CCSER1: variants seen among roughly 807,000 people sequenced by gnomAD.
CCSER1 encodes serine-rich coiled-coil domain-containing protein 1.
In CCSER1, 41 loss-of-function variants were observed where a neutral mutation model predicts 82.0. The observed-to-expected ratio is 0.50, with a 90% CI of 0.39 to 0.65. The LOEUF is 0.65. Ranked by LOEUF, CCSER1 falls within the 30% of genes least tolerant of loss-of-function variation. The pLI, the probability that CCSER1 is intolerant of heterozygous loss-of-function variation, is 0.00. For synonymous variants in CCSER1, 414 were observed against 383.9 expected, an observed-to-expected ratio of 1.08 and a Z score of -0.92; for missense variants, 1,119 against 1,064.2, an observed-to-expected ratio of 1.05 and a Z score of -0.72.
intron 10 of CCSER1, among the ~76,000 whole-genome samples, chr4:91,310,184 G>T (rs1281004058): frequency 6.6e-6 from 1 of 151,858 alleles, no homozygotes; most frequent in East Asian, 1.9e-4. Flanking sequence ...CCCGTGTTCT[G>T]CATTCCATGA....
chr4:91,029,504 G>A (rs1740787824), intron 9 of CCSER1, among the ~76,000 whole-genome samples: 1 of 151,918 alleles, frequency 6.6e-6, no homozygotes, highest in Non-Finnish European at 1.5e-5. Context: ...TGTGTTCTAA[G>A]GGCCTTATAA....
intron 10 of CCSER1, among the ~76,000 whole-genome samples, chr4:91,135,221 G>A (rs58899564): frequency 0.19 from 28,425 of 152,056 alleles, 2,992 homozygotes; most frequent in Non-Finnish European, 0.23. Flanking sequence ...ATGAAGTACA[G>A]AATCTAAAAC....
intron 7 of CCSER1, among the ~76,000 whole-genome samples, chr4:90,803,913 G>T (rs1006899243): frequency 6.6e-6 from 1 of 152,124 alleles, no homozygotes; most frequent in African/African-American, 2.4e-5. Flanking sequence ...TCTAACTGGC[G>T]TGAGATGGTG....
chr4:91,032,281 T>G (rs1416137550), intron 9 of CCSER1, among the ~76,000 whole-genome samples: 3 of 152,158 alleles, frequency 2.0e-5, no homozygotes, highest in African/African-American at 7.2e-5. Flanking sequence ...AATCAGATAA[T>G]CCTAGAATAA....
At position 91,396,975 on chromosome 4, in the gene CCSER1, G is replaced by T. The variant is rs531180684; in HGVS notation, c.2218-201597G>T. Reference sequence around the variant, plus strand: ...ACACTTCAAACTCTAAAGCCCAAATGCAATTGCCCTCCACAATCACACTTC... The same window carrying T: ...ACACTTCAAACTCTAAAGCCCAAATTCAATTGCCCTCCACAATCACACTTC... On this transcript the variant is annotated intron_variant, in intron 10 of 10. Coordinates refer to ENST00000509176, the MANE Select transcript of CCSER1 (RefSeq NM_001145065.2). Among the ~76,000 whole-genome samples, 4 of 152,068 alleles carry T rather than the reference G, an allele frequency of 2.6e-5. No individual in the cohort carries two copies. The South Asian group carries it at 8.3e-4, about 32-fold the overall frequency.
chr4:91,460,413 C>T (rs1402685364), intron 10 of CCSER1, among the ~76,000 whole-genome samples: 3 of 152,040 alleles, frequency 2.0e-5, no homozygotes, highest in South Asian at 2.1e-4. Flanking sequence ...TCCCTTTGCC[C>T]TCGTTCTACT....
chr4:90,206,873 G>A (rs1334369645), intron 1 of CCSER1, among the ~76,000 whole-genome samples: 1 of 151,856 alleles, frequency 6.6e-6, no homozygotes, highest in East Asian at 1.9e-4. Context: ...CCTGTTTTGG[G>A]TGCATATATA....
chr4:91,067,557 T>C (rs1720964442), intron 9 of CCSER1, among the ~76,000 whole-genome samples: 1 of 151,860 alleles, frequency 6.6e-6, no homozygotes, highest in Non-Finnish European at 1.5e-5. Context: ...GTTGTCTAGG[T>C]TGGTCTCAAA....
intron 9 of CCSER1, among the ~76,000 whole-genome samples, chr4:90,972,666 C>T (rs1192127238): frequency 1.3e-5 from 2 of 151,594 alleles, no homozygotes; most frequent in Non-Finnish European, 2.9e-5. Context: ...AAAAAAAATT[C>T]TGAAATTCAT....
intron 9 of CCSER1, among the ~76,000 whole-genome samples, chr4:91,032,802 CCA>C (rs2150558903): frequency 6.6e-6 from 1 of 152,260 alleles, no homozygotes; most frequent in East Asian, 1.9e-4. Context: ...GGGCCCAACC[CCA>C]GAGTTTCTGA....
chr4:90,574,175 C>T (rs1780437417), intron 5 of CCSER1, among the ~76,000 whole-genome samples: 1 of 146,684 alleles, frequency 6.8e-6, no homozygotes, highest in Non-Finnish European at 1.5e-5. Flanking sequence ...ATGAACCTTG[C>T]AGTTATTTAG....
At chr4:90,587,224 C>T (rs1227494150) in intron 5 of CCSER1, among the ~76,000 whole-genome samples, 1 of 152,192 alleles carries the variant, frequency 6.6e-6, no homozygotes, top group Admixed American at 6.5e-5. Context: ...AGACCTCTGT[C>T]AGACTTCTGC....
At chr4:91,095,529 G>A (rs1040384654) in intron 10 of CCSER1, among the ~76,000 whole-genome samples, 8 of 152,056 alleles carry the variant, frequency 5.3e-5, no homozygotes, top group African/African-American at 1.4e-4. Flanking sequence ...TAACTGCGAG[G>A]TATTCATCTC....
At chr4:90,574,922 C>T (rs1001133025) in intron 5 of CCSER1, among the ~76,000 whole-genome samples, 1 of 151,858 alleles carries the variant, frequency 6.6e-6, no homozygotes, top group African/African-American at 2.4e-5. Flanking sequence ...CAGGGAGGAG[C>T]CGAAAGTATT....
intron 10 of CCSER1, among the ~76,000 whole-genome samples, chr4:91,428,917 A>C (rs932899936): frequency 2.6e-5 from 4 of 151,970 alleles, no homozygotes; most frequent in African/African-American, 9.7e-5. Context: ...CTTCCTGTTT[A>C]TATCTATTTA....
chr4:91,137,817 A>G (rs1728634640), intron 10 of CCSER1, among the ~76,000 whole-genome samples: 2 of 151,468 alleles, frequency 1.3e-5, no homozygotes, highest in South Asian at 4.2e-4. Flanking sequence ...CCAAATCATG[A>G]GTGAAATCCC....
At chr4:91,485,890 TA>T (rs1230475557) in intron 10 of CCSER1, among the ~76,000 whole-genome samples, 1 of 152,108 alleles carries the variant, frequency 6.6e-6, no homozygotes, top group Non-Finnish European at 1.5e-5. Flanking sequence ...AAAAGACTAA[TA>T]ATTTTTTGAA....
At chr4:90,536,464 A>T (rs924771121) in intron 5 of CCSER1, among the ~76,000 whole-genome samples, 1 of 152,220 alleles carries the variant, frequency 6.6e-6, no homozygotes, top group Non-Finnish European at 1.5e-5. Context: ...CTCATGGCTC[A>T]TCCATGTTAA....
At chr4:90,787,253 G>A (rs1383121744) in intron 7 of CCSER1, among the ~76,000 whole-genome samples, 1 of 152,168 alleles carries the variant, frequency 6.6e-6, no homozygotes, top group Non-Finnish European at 1.5e-5. Flanking sequence ...GAAGATTAGA[G>A]TCCTGCCCCA....
Sources: allele counts gnomAD v4.1 joint callset (sites outside exome capture counted in the v4.1 genomes callset), GRCh38; gene constraint gnomAD v4.1.1; transcripts MANE v1.5; gene names NCBI Gene and HGNC (gene_info 2026-07-23, HGNC 2026-07-21).